Variants in BTAF1 observed in about 807,000 individuals in gnomAD.
BTAF1 encodes B-TFIID TATA-box binding protein associated factor 1, also known as TATA-binding protein-associated factor 172.
A neutral mutation model predicts 227.1 loss-of-function variants in BTAF1; 38 were observed. The observed-to-expected ratio is 0.17, with a 90% CI of 0.13 to 0.22. The LOEUF (loss-of-function observed/expected upper bound fraction) is 0.22. Among genes scored for constraint, BTAF1 ranks in the 10% least tolerant of loss-of-function variants. The pLI, the probability that BTAF1 is intolerant of heterozygous loss-of-function variation, is 1.00. For synonymous variants in BTAF1, 742 were observed against 751.9 expected (o/e 0.99, Z 0.21); for missense variants, 1,598 against 2,204.0 (o/e 0.73, Z 5.51).
At chr10:91,963,288 G>A (rs941919513) in intron 12 of BTAF1, among the ~76,000 whole-genome samples, 3 of 151,806 alleles carry the variant, frequency 2.0e-5, no homozygotes, top group African/African-American at 4.8e-5. Context: ...GCATGGTGGC[G>A]GGCGCCTGTA....
intron 14 of BTAF1, among the ~76,000 whole-genome samples, chr10:91,969,864 T>C (rs1847169797): frequency 6.6e-6 from 1 of 151,666 alleles, no homozygotes; most frequent in Admixed American, 6.6e-5. Context: ...CTCGGGAGGC[T>C]GAGGCACAAG....
At position 91,935,684 on chromosome 10, in the gene BTAF1, T is replaced by C; in HGVS notation, c.42T>C (p.Asp14=). 1.2e-6 allele frequency: 2 copies of C among 1,613,562 alleles called. No homozygotes were observed. Among genetic ancestry groups the C allele is most frequent in the Non-Finnish European group, 1.7e-6 (2 of 1,179,684 alleles). Residue 14 remains aspartate (D), a synonymous_variant, in exon 2 of 38, where the codon GAT becomes GAC. Transcript: ENST00000265990. ...SRLDRLFILL[D]TGTTPVTRKA... ...TAGATCGCCTTTTTATTTTACTGGA[T>C]ACTGGCACTACTCCTGTTACAAGAA...
At position 92,031,355 on chromosome 10, in the gene BTAF1, C is replaced by CTGAT. The variant is rs1379389841; in HGVS notation, c.*2426_*2429dup. 6.6e-6 allele frequency among the ~76,000 whole-genome samples: 1 copy of CTGAT among 152,126 alleles called. No homozygotes were observed. The highest frequency in any genetic ancestry group is 2.4e-5 in the African/African-American group (1 of 41,428). Reference sequence around the variant, plus strand: ...AGGGTAAAAGTCTTTGATGTTGGGACTGATTGAACTGGTATAGCCTTATTC... The same window carrying CTGAT: ...AGGGTAAAAGTCTTTGATGTTGGGACTGATTGATTGAACTGGTATAGCCTTATTC... On this transcript the variant is annotated 3_prime_UTR_variant, in exon 38 of 38. Coordinates refer to ENST00000265990, the MANE Select transcript of BTAF1 (RefSeq NM_003972.3).
At chr10:92,021,884 G>T (rs992986116) in intron 34 of BTAF1, among the ~76,000 whole-genome samples, 1 of 152,132 alleles carries the variant, frequency 6.6e-6, no homozygotes, top group African/African-American at 2.4e-5. Flanking sequence ...ACAAGTGGAA[G>T]ATCAAAATGG....
chr10:91,976,494 C>A (rs1847703417), intron 14 of BTAF1, among the ~76,000 whole-genome samples: 1 of 152,168 alleles, frequency 6.6e-6, no homozygotes, highest in South Asian at 2.1e-4. Flanking sequence ...AACCAGCCCC[C>A]TTCTGAAGCT....
intron 4 of BTAF1, among the ~76,000 whole-genome samples, chr10:91,944,501 C>T (rs887026859): frequency 2.0e-5 from 3 of 152,074 alleles, no homozygotes; most frequent in African/African-American, 7.2e-5. Context: ...TTTTGGATGC[C>T]TAGTGTTTTT....
intron 11 of BTAF1, among the ~76,000 whole-genome samples, chr10:91,961,378 A>G (rs1296650885): frequency 3.3e-5 from 5 of 152,070 alleles, no homozygotes; most frequent in Non-Finnish European, 7.4e-5. Context: ...TGCTCACTGT[A>G]TAACAGATTG....
chr10:91,963,468 A>G (rs113778560), intron 12 of BTAF1, among the ~76,000 whole-genome samples: 10 of 151,714 alleles, frequency 6.6e-5, no homozygotes, highest in East Asian at 3.9e-4. Context: ...GAGTCCCCCT[A>G]TGTTGCCGAG....
chr10:91,924,108 C>T lies in BTAF1; in HGVS notation c.14+18C>T, dbSNP rs758348598. 21 of 1,606,164 alleles carry T rather than the reference C, an allele frequency of 1.3e-5. No individual in the cohort carries two copies. The East Asian group carries it at 3.4e-4, about 26-fold the overall frequency. On this transcript the variant is annotated intron_variant, in intron 1 of 37. Coordinates refer to ENST00000265990, the MANE Select transcript of BTAF1 (RefSeq NM_003972.3). ...GTCTCCAGGTGGGTCTTGCTCCTGA[C>T]GAGCAAACTGGAAGGCGATTCAGGG...
chr10:92,001,869 T>G (rs1368310111), intron 25 of BTAF1, among the ~76,000 whole-genome samples: 2 of 150,980 alleles, frequency 1.3e-5, no homozygotes, highest in Non-Finnish European at 2.9e-5. Context: ...CACCAGCACT[T>G]TGGGAGGCCA....
intron 2 of BTAF1, among the ~76,000 whole-genome samples, chr10:91,937,816 T>C (rs1453976993): frequency 1.3e-5 from 2 of 152,188 alleles, no homozygotes; most frequent in Non-Finnish European, 2.9e-5. Context: ...GAGAGTAGAA[T>C]TACTGTACCA....
At chr10:92,008,774 A>G (rs1850114168) in intron 26 of BTAF1, 55 bp from the exon 27 acceptor site, 1 of 1,459,434 alleles carries the variant, frequency 6.9e-7, no homozygotes, top group Non-Finnish European at 9.2e-7. Context: ...AAATGTTTTT[A>G]TAAGAAAAAA....
intron 1 of BTAF1, among the ~76,000 whole-genome samples, chr10:91,928,175 T>C (rs986803509): frequency 1.3e-5 from 2 of 152,138 alleles, no homozygotes; most frequent in African/African-American, 4.8e-5. Flanking sequence ...TAATGCAAAA[T>C]TGATATGATG....
rs960210067 is a variant in BTAF1, at chr10:91,950,513, T to C, written c.401-890T>C. 6.5e-4 allele frequency among the ~76,000 whole-genome samples: 99 copies of C among 152,328 alleles called. 1 individual carries two copies. The highest frequency in any genetic ancestry group is 2.3e-3 in the African/African-American group (95 of 41,578). On this transcript the variant is annotated intron_variant, in intron 4 of 37. Transcript: ENST00000265990. ...TTTTCAGTAAGGTATAACTGTCTTTTACAGCTTAGCTGTTTTAAGGGCAAA... is the reference window on the plus strand; with the variant it reads ...TTTTCAGTAAGGTATAACTGTCTTTCACAGCTTAGCTGTTTTAAGGGCAAA...
intron 6 of BTAF1, among the ~76,000 whole-genome samples, chr10:91,954,592 C>CT (rs1011645826): frequency 6.6e-6 from 1 of 151,812 alleles, no homozygotes; most frequent in Non-Finnish European, 1.5e-5. Context: ...GATGCAGTCT[C>CT]TGTCGCCCAG....
chr10:91,967,354 A>T (rs1470618377), intron 14 of BTAF1, among the ~76,000 whole-genome samples: 1 of 152,212 alleles, frequency 6.6e-6, no homozygotes, highest in Admixed American at 6.5e-5. Context: ...AAGGCTTCAC[A>T]TTCCCATTTT....
chr10:91,942,328 G>A, intron 3 of BTAF1, 94 bp from the exon 4 acceptor site: 5 of 812,632 alleles, frequency 6.2e-6, no homozygotes, highest in Non-Finnish European at 9.6e-6. Context: ...GTGTGTGTGT[G>A]TGTAACCCAT....
chr10:91,984,234 C>G lies in BTAF1; in HGVS notation c.2257C>G (p.Arg753Gly). 1 of 1,613,854 alleles carries G rather than the reference C, an allele frequency of 6.2e-7. No individual in the cohort carries two copies. Among genetic ancestry groups the G allele is most frequent in the Non-Finnish European group, 8.5e-7 (1 of 1,179,900 alleles). ...AGCTGTTACCTTAGCTGTGCAGCCG[C>G]GTTTACTTGATATCCTTTCAGAACA... ...CKAVTLAVQP[R>G]LLDILSEHLY... Residue 753 changes from arginine to glycine, a missense_variant, in exon 19 of 38, where the codon CGT becomes GGT. Transcript: ENST00000265990.
At chr10:91,948,953 A>G (rs1456187011) in intron 4 of BTAF1, among the ~76,000 whole-genome samples, 1 of 152,022 alleles carries the variant, frequency 6.6e-6, no homozygotes, top group South Asian at 2.1e-4. Flanking sequence ...AAGGTATCCT[A>G]TCTTTCATTC....
Sources: allele counts gnomAD v4.1 joint callset (sites outside exome capture counted in the v4.1 genomes callset), GRCh38; gene constraint gnomAD v4.1.1; transcripts MANE v1.5; gene names NCBI Gene and HGNC (gene_info 2026-07-23, HGNC 2026-07-21).